The following SHISA9 variants were observed in gnomAD, a reference collection of about 807,000 sequenced individuals.
The protein encoded by SHISA9 is protein shisa-9.
A neutral mutation model predicts 38.0 loss-of-function variants in SHISA9; 13 were observed. The observed-to-expected ratio is 0.34, with a 90% CI of 0.22 to 0.54. The LOEUF (loss-of-function observed/expected upper bound fraction) is 0.54, where lower values mean the gene tolerates loss of function less well. Ranked by LOEUF, SHISA9 falls within the 20% of genes least tolerant of loss-of-function variation. SHISA9 has a pLI of 0.91. For synonymous variants in SHISA9, 275 were observed against 242.0 expected (o/e 1.14, Z -1.27); for missense variants, 538 against 575.8 (o/e 0.93, Z 0.67).
chr16:12,953,223 A>G (rs574342924), intron 2 of SHISA9, among the ~76,000 whole-genome samples: 1 of 151,992 alleles, frequency 6.6e-6, no homozygotes, highest in Non-Finnish European at 1.5e-5. Context: ...AACAACAACA[A>G]CAACAACAAC....
At chr16:12,981,728 G>T (rs1479221968) in intron 2 of SHISA9, among the ~76,000 whole-genome samples, 1 of 152,038 alleles carries the variant, frequency 6.6e-6, no homozygotes, top group Non-Finnish European at 1.5e-5. Flanking sequence ...GACTATATTC[G>T]GAGACAGGGT....
chr16:13,207,987 A>G (rs2051082179), intron 3 of SHISA9, among the ~76,000 whole-genome samples: 1 of 152,186 alleles, frequency 6.6e-6, no homozygotes. Flanking sequence ...TGGTAAGCTC[A>G]AAAATACTTC....
intron 2 of SHISA9, among the ~76,000 whole-genome samples, chr16:12,941,131 C>G (rs1475856888): frequency 6.6e-6 from 1 of 152,096 alleles, no homozygotes; most frequent in Non-Finnish European, 1.5e-5. Flanking sequence ...GTGTGTGGAT[C>G]ACTTGAGGTC....
chr16:13,287,874 C>A, the SHISA9 span, among the ~76,000 whole-genome samples: 1 of 152,168 alleles, frequency 6.6e-6, no homozygotes, highest in Non-Finnish European at 1.5e-5. Context: ...TAAATAGAAT[C>A]TGGCGAGTGT....
the SHISA9 span, among the ~76,000 whole-genome samples, chr16:13,503,957 A>G: frequency 1.3e-5 from 2 of 152,184 alleles, no homozygotes; most frequent in African/African-American, 4.8e-5. Context: ...AATATAAATT[A>G]TCAAAAAGAA....
At chr16:13,043,353 G>T (rs2073153307) in intron 2 of SHISA9, among the ~76,000 whole-genome samples, 1 of 152,182 alleles carries the variant, frequency 6.6e-6, no homozygotes, top group African/African-American at 2.4e-5. Context: ...ATATTGTCTA[G>T]CTGAACACCC....
At chr16:13,340,080 G>A in the SHISA9 span, among the ~76,000 whole-genome samples, 2 of 152,136 alleles carry the variant, frequency 1.3e-5, no homozygotes, top group Non-Finnish European at 2.9e-5. Flanking sequence ...TTTAAGATGT[G>A]CTCAACCTTC....
chr16:13,357,877 G>A, the SHISA9 span, among the ~76,000 whole-genome samples: 1 of 152,132 alleles, frequency 6.6e-6, no homozygotes, highest in East Asian at 1.9e-4. Context: ...ACAAGGTAAT[G>A]TCATCAGTTA....
chr16:13,002,561 C>G (rs1287363398), intron 2 of SHISA9, among the ~76,000 whole-genome samples: 2 of 131,166 alleles, frequency 1.5e-5, no homozygotes, highest in Admixed American at 1.7e-4. Flanking sequence ...TTGAGACAGT[C>G]TCACTCTGTT....
At chr16:13,170,879 A>C (rs1371649734) in intron 2 of SHISA9, among the ~76,000 whole-genome samples, 1 of 151,856 alleles carries the variant, frequency 6.6e-6, no homozygotes, top group Non-Finnish European at 1.5e-5. Flanking sequence ...CTGGTCTCCA[A>C]CTCCTGACCT....
chr16:13,307,510 C>T, the SHISA9 span, among the ~76,000 whole-genome samples: 1 of 152,144 alleles, frequency 6.6e-6, no homozygotes, highest in Non-Finnish European at 1.5e-5. Context: ...TCAGAAAGCA[C>T]AGGGGCTGAT....
chr16:12,969,968 C>A (rs1245829162), intron 2 of SHISA9, among the ~76,000 whole-genome samples: 1 of 151,918 alleles, frequency 6.6e-6, no homozygotes, highest in East Asian at 1.9e-4. Context: ...ATAATCACTA[C>A]ATTCAGAATG....
chr16:13,550,372 C>G, the SHISA9 span, among the ~76,000 whole-genome samples: 1 of 152,200 alleles, frequency 6.6e-6, no homozygotes, highest in Non-Finnish European at 1.5e-5. Flanking sequence ...CCACCTCAAA[C>G]CTTCTATAAT....
At chr16:13,389,485 T>C in the SHISA9 span, among the ~76,000 whole-genome samples, 1 of 152,146 alleles carries the variant, frequency 6.6e-6, no homozygotes, top group Non-Finnish European at 1.5e-5. Context: ...CAAAATATTA[T>C]GCTGTACATC....
chr16:13,358,407 G>A, the SHISA9 span, among the ~76,000 whole-genome samples: 1 of 152,072 alleles, frequency 6.6e-6, no homozygotes, highest in Non-Finnish European at 1.5e-5. Context: ...AACAGGCTGT[G>A]CTGTGTGATG....
the SHISA9 span, among the ~76,000 whole-genome samples, chr16:13,385,528 T>C: frequency 8.0e-6 from 1 of 125,436 alleles, no homozygotes; most frequent in Non-Finnish European, 1.7e-5. Flanking sequence ...AGGAACAAAC[T>C]GTGGTATATC....
the SHISA9 span, among the ~76,000 whole-genome samples, chr16:13,447,033 G>GT: frequency 3.4e-5 from 5 of 149,158 alleles, no homozygotes; most frequent in Admixed American, 6.7e-5. Flanking sequence ...GTGTGGGGCT[G>GT]TAAAAAAAAA....
the SHISA9 span, among the ~76,000 whole-genome samples, chr16:13,312,665 A>G: frequency 2.6e-5 from 4 of 152,172 alleles, no homozygotes; most frequent in African/African-American, 4.8e-5. Context: ...ATAGCAAATA[A>G]TTTTCATAGC....
chr16:13,175,898 G>A (rs1018030875), intron 2 of SHISA9, among the ~76,000 whole-genome samples: 1 of 152,112 alleles, frequency 6.6e-6, no homozygotes, highest in African/African-American at 2.4e-5. Flanking sequence ...AAACTAGTTA[G>A]GTACAAATCC....
Sources: gnomAD v4.1 joint callset for allele counts (sites outside exome capture counted in the v4.1 genomes callset) on GRCh38, gnomAD v4.1.1 for gene constraint, MANE v1.5 for transcripts, NCBI Gene and HGNC (gene_info 2026-07-23, HGNC 2026-07-21) for gene names.